PRICKLE3: variants seen among roughly 807,000 people sequenced by gnomAD.
The protein encoded by PRICKLE3 is prickle planar cell polarity protein 3.
Under a neutral mutation model 33.8 loss-of-function variants are expected in PRICKLE3, and 17 were observed. The observed-to-expected ratio is 0.50, with a 90% CI of 0.34 to 0.75. The LOEUF is 0.75. PRICKLE3 is among the 30% of genes least tolerant of loss of function. The pLI, the probability that PRICKLE3 is intolerant of heterozygous loss-of-function variation, is 0.01. For synonymous variants in PRICKLE3, 211 were observed against 219.6 expected (o/e 0.96, Z 0.34); for missense variants, 573 against 576.7 (o/e 0.99, Z 0.07).
chrX:49,175,723 G>T lies in PRICKLE3; in HGVS notation c.1798C>A (p.Arg600Ser), dbSNP rs1557099800. ...SPSLSLPRDSRAGMPRQARDK... is the reference protein window; with the variant it reads ...SPSLSLPRDSSAGMPRQARDK... ...CGGGCCTGACGAGGCATCCCTGCGC[G>T]AGAGTCCCTGGGGAGCGATAAAGAT... Residue 600 changes from arginine (R) to serine (S), a missense_variant, in exon 9 of 9, where the codon CGC becomes AGC. Coordinates refer to ENST00000599218, the MANE Select transcript of PRICKLE3 (RefSeq NM_006150.5). The T allele has an allele frequency of 8.3e-7, 1 of 1,211,865 alleles. No individual in the cohort carries two copies.
Position 49,179,330 on chromosome X carries a change from T to C in PRICKLE3, c.485A>G (p.Gln162Arg), listed in dbSNP as rs1445143090. 8.3e-7 allele frequency: 1 copy of C among 1,209,756 alleles called. No homozygotes were observed. Among genetic ancestry groups the C allele is most frequent in the East Asian group, 3.0e-5 (1 of 33,737 alleles). ...CCCCAGATTCTCCCGCTTCCGCTGC[T>C]GGCTAAAGGCTCGGAGCTCTTTCTT... ...EEKKELRAFS[Q>R]QRKRENLGRG... The change falls in exon 5 of 9, where the codon CAG (glutamine) becomes CGG (arginine). Residue 162 changes from glutamine to arginine, a missense_variant. Gln to Arg is a conservative substitution (Grantham distance 43). Transcript: ENST00000599218.
At chrX:49,185,942 C>T (rs2065480976) in intron 1 of PRICKLE3, among the ~76,000 whole-genome samples, 1 of 106,112 alleles carries the variant, frequency 9.4e-6, no homozygotes, top group African/African-American at 3.4e-5. Flanking sequence ...GAGGTTCCTG[C>T]TCAACCTAAG....
chrX:49,181,440 G>T (rs782431555), intron 3 of PRICKLE3, among the ~76,000 whole-genome samples: 142 of 89,825 alleles, frequency 1.6e-3, no homozygotes, highest in South Asian at 6.0e-3. Context: ...TATTATTTAC[G>T]TAAATTATAT....
In PRICKLE3 at chrX:49,178,032, G is replaced by A. The variant is rs143162326; in HGVS notation, c.916C>T (p.Arg306Cys). The A allele has an allele frequency of 3.4e-4, 391 of 1,153,746 alleles. 1 individual carries two copies. Among genetic ancestry groups the A allele is most frequent in the Non-Finnish European group, 4.2e-4 (363 of 866,634 alleles). ...CAGCCATCACAGTACTCCGCGTGGC[G>A]GGCCTCGTAGCAGGCGCAGCAGTGG... ...RPHCCACYEA[R>C]HAEYCDGCGE... The change falls in exon 7 of 9, where the codon CGC (arginine) becomes TGC (cysteine). Residue 306 changes from arginine to cysteine, a missense_variant. Coordinates refer to ENST00000599218, the MANE Select transcript of PRICKLE3 (RefSeq NM_006150.5).
intron 1 of PRICKLE3, 36 bp downstream of exon 1, chrX:49,186,219 AC>A (rs2065482351): frequency 3.5e-6 from 4 of 1,147,838 alleles, no homozygotes; most frequent in Non-Finnish European, 4.6e-6. Flanking sequence ...GCCTCAGTTT[AC>A]CCCCGACCCC....
chrX:49,180,035 CTTTTTTTTTTTTT>C (rs150588040), intron 3 of PRICKLE3, among the ~76,000 whole-genome samples: 1 of 54,384 alleles, frequency 1.8e-5, no homozygotes, highest in African/African-American at 7.7e-5. Context: ...TGCTGATCAC[CTTTTTTTTTTTTT>C]TTTTTTTTTG....
Position 49,183,827 on chromosome X carries a change from G to A in PRICKLE3, c.219C>T (p.Ile73=). Residue 73 remains isoleucine (I), a synonymous_variant, in exon 3 of 9, where the codon ATC becomes ATT. Coordinates refer to ENST00000599218, the MANE Select transcript of PRICKLE3 (RefSeq NM_006150.5). ...AGATGGAGTGGCGCTGGAAGTCCGAGATTAGCCGACACATGATGCGTTCCA... is the reference window on the plus strand; with the variant it reads ...AGATGGAGTGGCGCTGGAAGTCCGAAATTAGCCGACACATGATGCGTTCCA... ...VDLERIMCRL[I]SDFQRHSISD... is the part of the protein sequence containing the mutation. 8.3e-7 allele frequency: 1 copy of A among 1,211,760 alleles called. No individual in the cohort carries two copies.
At chrX:49,181,154 G>A (rs782409859) in intron 3 of PRICKLE3, among the ~76,000 whole-genome samples, 1 of 109,592 alleles carries the variant, frequency 9.1e-6, no homozygotes, top group Admixed American at 9.9e-5. Context: ...GATAGCTTGA[G>A]CCCAGGAGTC....
intron 7 of PRICKLE3, 120 bp from the exon 8 acceptor site, chrX:49,177,322 C>T: frequency 1.3e-6 from 1 of 748,549 alleles, no homozygotes; most frequent in Non-Finnish European, 1.9e-6. Flanking sequence ...CCCCTGGGTG[C>T]CTTCCTCCCT....
intron 1 of PRICKLE3, 164 bp from the exon 2 acceptor site, chrX:49,184,874 G>A (rs1189611862): frequency 1.4e-5 from 16 of 1,145,482 alleles, no homozygotes; most frequent in Non-Finnish European, 1.9e-5. Flanking sequence ...GCGGGGGAGC[G>A]GGACACAACC....
Position 49,179,396 on chromosome X carries a change from G to A in PRICKLE3, c.427-8C>T. 7 of 1,206,103 alleles carry A rather than the reference G, an allele frequency of 5.8e-6. No individual in the cohort carries two copies. Among genetic ancestry groups the A allele is most frequent in the African/African-American group, 3.5e-5 (2 of 57,609 alleles). ...TGCTGTGCAGTACTGTGCCTGGGAG[G>A]AGAAGGCATCTCCCAGGCTCCTCCC... On this transcript the variant is annotated splice_region_variant and splice_polypyrimidine_tract_variant and intron_variant, in intron 4 of 8. Transcript: ENST00000599218.
At chrX:49,184,239 T>C (rs868939791) in intron 2 of PRICKLE3, among the ~76,000 whole-genome samples, 66 of 110,983 alleles carry the variant, frequency 5.9e-4, no homozygotes, top group African/African-American at 2.1e-3. Context: ...GTCTGGGGGC[T>C]GTAGGCTCTG....
rs910849964 is a variant in PRICKLE3 at position 49,178,493 on chromosome X, C to T, written c.565-18G>A. The stretch of plus-strand genomic sequence containing the variant: ...TTTCCGCACTGCCATGAGACAAGCA[C>T]CAAGATGGTTACCATCACTGTCACC... On this transcript the variant is annotated intron_variant, in intron 5 of 8. Coordinates refer to ENST00000599218, the MANE Select transcript of PRICKLE3 (RefSeq NM_006150.5). 7 of 1,192,768 alleles carry T rather than the reference C, an allele frequency of 5.9e-6. No homozygotes were observed. The Admixed American group carries it at 1.5e-4, about 26-fold the overall frequency.
At chrX:49,181,636 C>CATAT (rs782250425) in intron 3 of PRICKLE3, among the ~76,000 whole-genome samples, 20 of 39,811 alleles carry the variant, frequency 5.0e-4, no homozygotes, top group East Asian at 3.7e-3. Context: ...TATACACACA[C>CATAT]ATATATATAT....
At chrX:49,183,012 C>T (rs1353556867) in intron 3 of PRICKLE3, among the ~76,000 whole-genome samples, 1 of 110,927 alleles carries the variant, frequency 9.0e-6, no homozygotes, top group Non-Finnish European at 1.9e-5. Flanking sequence ...TTAGTAGAGA[C>T]GGGGTTTTGC....
intron 3 of PRICKLE3, among the ~76,000 whole-genome samples, chrX:49,181,732 C>T (rs948960088): frequency 9.8e-6 from 1 of 102,549 alleles, no homozygotes; most frequent in Non-Finnish European, 2.0e-5. Flanking sequence ...CCGAAACCTC[C>T]GCCTCCCGGG....
chrX:49,184,979 C>T, intron 1 of PRICKLE3: 2 of 917,888 alleles, frequency 2.2e-6, no homozygotes, highest in Non-Finnish European at 2.9e-6. Flanking sequence ...CCTCCCCGTC[C>T]GCCCCTAGCC....
At position 49,183,856 on chromosome X, in the gene PRICKLE3, C is replaced by A; in HGVS notation, c.190G>T (p.Asp64Tyr). 8.3e-7 allele frequency: 1 copy of A among 1,211,609 alleles called. No individual in the cohort carries two copies. The highest frequency in any genetic ancestry group is 1.8e-5 in the South Asian group (1 of 56,966). The stretch of plus-strand genomic sequence containing the variant: ...AGCCGACACATGATGCGTTCCAGGT[C>A]CACAGGCACCGCGTGCACTGCATGC... ...EEHAVHAVPV[D>Y]LERIMCRLIS... Residue 64 changes from aspartate (D) to tyrosine (Y), a missense_variant, in exon 3 of 9, where the codon GAC (aspartate) becomes TAC (tyrosine). Transcript: ENST00000599218.
chrX:49,184,181 T>C (rs1411062066), intron 2 of PRICKLE3, among the ~76,000 whole-genome samples: 16 of 110,187 alleles, frequency 1.5e-4, no homozygotes, highest in Non-Finnish European at 1.9e-5. Context: ...ATCTAACCTG[T>C]GGTGAGGCTC....
Sources: gnomAD v4.1 joint callset for allele counts (sites outside exome capture counted in the v4.1 genomes callset) on GRCh38, gnomAD v4.1.1 for gene constraint, MANE v1.5 for transcripts, NCBI Gene and HGNC (gene_info 2026-07-23, HGNC 2026-07-21) for gene names.